The following CAMSAP1 variants were observed in gnomAD, a reference collection of about 807,000 sequenced individuals.
CAMSAP1 encodes calmodulin regulated spectrin associated protein 1.
CAMSAP1 carries 58 observed loss-of-function variants against 143.5 expected under a neutral mutation model. That is an observed-to-expected ratio of 0.40 (90% CI 0.33 to 0.50). The LOEUF is 0.50. Among genes scored for constraint, CAMSAP1 ranks in the 20% least tolerant of loss-of-function variants. The probability of loss-of-function intolerance (pLI) is 0.45; values close to 1 mark genes in which losing one functional copy is unlikely to be tolerated. For synonymous variants in CAMSAP1, 945 were observed against 859.3 expected, an observed-to-expected ratio of 1.10 and a Z score of -1.74; for missense variants, 1,969 against 2,115.7, an observed-to-expected ratio of 0.93 and a Z score of 1.36.
intron 7 of CAMSAP1, among the ~76,000 whole-genome samples, chr9:135,840,274 G>A (rs929160326): frequency 1.6e-4 from 25 of 152,294 alleles, no homozygotes; most frequent in Middle Eastern, 3.4e-3. Flanking sequence ...CCCCAGCCTC[G>A]GAGGTGCAGA....
Position 135,826,966 on chromosome 9 carries a change from T to G in CAMSAP1, c.1223+441A>C, listed in dbSNP as rs755227535. ...TAAGCAGCTCTATACACTTTTTCAC[T>G]CGAATCAAATTAATTCTTCCCCAAA... On this transcript the variant is annotated intron_variant, in intron 8 of 16. Transcript: ENST00000389532. The surrounding 1 kb of genome is among the most constrained non-coding windows in gnomAD (Gnocchi z 4.4). Among the ~76,000 whole-genome samples, 20 of 152,236 alleles carry G rather than the reference T, an allele frequency of 1.3e-4. No individual in the cohort carries two copies. Among genetic ancestry groups the G allele is most frequent in the Non-Finnish European group, 2.9e-4 (20 of 68,038 alleles).
At position 135,822,217 on chromosome 9, in the gene CAMSAP1, G is replaced by A. The variant is rs1217359492; in HGVS notation, c.2444C>T (p.Thr815Ile). 3 of 1,613,862 alleles carry A rather than the reference G, an allele frequency of 1.9e-6. No homozygotes were observed. The highest frequency in any genetic ancestry group is 2.2e-5 in the East Asian group (1 of 44,894). ...CTGGAGCTTCCTCTCCGCAAAGCTG[G>A]TCATCTTCACGCTCCCACTCGCCAT... ...VSMASGSVKMTSFAERKLQRL... is the reference protein window; with the variant it reads ...VSMASGSVKMISFAERKLQRL... The change falls in exon 11 of 17, where the codon ACC becomes ATC. Residue 815 changes from threonine to isoleucine, a missense_variant. Coordinates refer to ENST00000389532, the MANE Select transcript of CAMSAP1 (RefSeq NM_015447.4). The surrounding 1 kb of genome is among the most constrained non-coding windows in gnomAD (Gnocchi z 6.1).
chr9:135,817,889 C>T (rs1454195675), intron 14 of CAMSAP1, 88 bp downstream of exon 14: 6 of 976,786 alleles, frequency 6.1e-6, no homozygotes, highest in Admixed American at 5.0e-5. Flanking sequence ...TTACAAAAGC[C>T]TCTCTCACCG....
intron 1 of CAMSAP1, among the ~76,000 whole-genome samples, chr9:135,897,886 T>A (rs1838505536): frequency 6.6e-6 from 1 of 152,238 alleles, no homozygotes; most frequent in South Asian, 2.1e-4. Context: ...GGGACTACTA[T>A]ATTTCGTTAT....
chr9:135,849,825 G>A (rs972607620), intron 7 of CAMSAP1: 2 of 212,130 alleles, frequency 9.4e-6, no homozygotes, highest in African/African-American at 4.6e-5. Flanking sequence ...AGATTGTCAA[G>A]CCTGACAGAT....
At chr9:135,813,641 G>C (rs1294502042) in intron 16 of CAMSAP1, among the ~76,000 whole-genome samples, 1 of 152,226 alleles carries the variant, frequency 6.6e-6, no homozygotes, top group East Asian at 1.9e-4. Flanking sequence ...GTCCTAGAAA[G>C]GCCTGCCTGC....
chr9:135,884,828 C>T lies in CAMSAP1; in HGVS notation c.161-1750G>A, dbSNP rs1023552592. 7.0e-4 allele frequency among the ~76,000 whole-genome samples: 107 copies of T among 152,330 alleles called. 1 individual carries two copies. The highest frequency in any genetic ancestry group is 9.3e-4 in the Non-Finnish European group (63 of 68,024). On this transcript the variant is annotated intron_variant, in intron 1 of 16. Coordinates refer to ENST00000389532, the MANE Select transcript of CAMSAP1 (RefSeq NM_015447.4). Reference sequence around the variant, plus strand: ...CCACCCCGCACACGCCGGAGTGAGACGTCCCAGGAAACAAGAGCAAGGTGG... The same window carrying T: ...CCACCCCGCACACGCCGGAGTGAGATGTCCCAGGAAACAAGAGCAAGGTGG...
In CAMSAP1 at chr9:135,826,660, T is replaced by C. The variant is rs1405979347; in HGVS notation, c.1223+747A>G. Among the ~76,000 whole-genome samples the C allele has an allele frequency of 1.3e-5, 2 of 152,242 alleles. No homozygotes were observed. Among genetic ancestry groups the C allele is most frequent in the African/African-American group, 4.8e-5 (2 of 41,452 alleles). On this transcript the variant is annotated intron_variant, in intron 8 of 16. Transcript: ENST00000389532. This position sits in a 1 kb window ranked among gnomAD's most constrained non-coding sequence, Gnocchi z 4.4. The stretch of plus-strand genomic sequence containing the variant: ...TATTTAAAACCACTTTTAAATAGCG[T>C]CTTCATCTTAAATCCCAACTTAAAT...
At chr9:135,877,427 A>G (rs1438962409) in intron 3 of CAMSAP1, among the ~76,000 whole-genome samples, 1 of 151,738 alleles carries the variant, frequency 6.6e-6, no homozygotes, top group Non-Finnish European at 1.5e-5. Context: ...TAAACAAATG[A>G]CTGCTTATCA....
chr9:135,817,674 T>C (rs1457469975), intron 14 of CAMSAP1: 1 of 284,658 alleles, frequency 3.5e-6, no homozygotes, highest in East Asian at 9.2e-5. Flanking sequence ...CCTGGAATCA[T>C]GGGTGTGAGC....
intron 8 of CAMSAP1, among the ~76,000 whole-genome samples, chr9:135,825,392 TA>T (rs1416291507): frequency 6.6e-6 from 1 of 151,918 alleles, no homozygotes; most frequent in Non-Finnish European, 1.5e-5. Context: ...GGTGGGAGGG[TA>T]AAAATGTACA....
At chr9:135,887,949 C>T (rs1564459368) in intron 1 of CAMSAP1, among the ~76,000 whole-genome samples, 1 of 152,162 alleles carries the variant, frequency 6.6e-6, no homozygotes, top group Non-Finnish European at 1.5e-5. Flanking sequence ...GCGGGAGCCA[C>T]ACAGAAAGGC....
chr9:135,865,351 C>T, intron 4 of CAMSAP1: 2 of 1,550,606 alleles, frequency 1.3e-6, no homozygotes, highest in Non-Finnish European at 1.7e-6. Flanking sequence ...CTTCCAATAC[C>T]ACTTGGAGGG....
intron 7 of CAMSAP1, chr9:135,849,930 T>A (rs2130902080): frequency 2.2e-6 from 1 of 444,446 alleles, no homozygotes; most frequent in East Asian, 3.5e-5. Context: ...GTGCAATTTT[T>A]AGAGCTGTGA....
At chr9:135,862,227 C>T (rs1029524157) in intron 5 of CAMSAP1, among the ~76,000 whole-genome samples, 7 of 151,380 alleles carry the variant, frequency 4.6e-5, no homozygotes, top group Non-Finnish European at 1.0e-4. Flanking sequence ...GCTGGGACCA[C>T]AGGCGTGTGC....
intron 1 of CAMSAP1, among the ~76,000 whole-genome samples, chr9:135,900,324 C>G (rs545108843): frequency 1.1e-4 from 16 of 152,228 alleles, no homozygotes; most frequent in African/African-American, 3.9e-4. Context: ...CACTCCACCC[C>G]CAGATATAAG....
rs907388635 is a variant in CAMSAP1 at position 135,818,216 on chromosome 9, C to T, written c.4169-137G>A. The T allele has an allele frequency of 7.0e-6, 8 of 1,144,190 alleles. No homozygotes were observed. The highest frequency in any genetic ancestry group is 6.2e-5 in the African/African-American group (4 of 64,974). 70.9% of individuals were successfully genotyped at this position (1,144,190 alleles called of 1,614,324 possible). ...GCGTCCCCACCCCATCCCGGGGAGCCGGGCTGCGCCTGGATGTGCCGCACA... is the reference window on the plus strand; with the variant it reads ...GCGTCCCCACCCCATCCCGGGGAGCTGGGCTGCGCCTGGATGTGCCGCACA... On this transcript the variant is annotated intron_variant, in intron 13 of 16. Transcript: ENST00000389532. The surrounding 1 kb of genome is among the most constrained non-coding windows in gnomAD (Gnocchi z 7.7).
rs1318641157 is a variant in CAMSAP1 at position 135,882,743 on chromosome 9, CA to C, written c.423+72del. On this transcript the variant is annotated intron_variant, in intron 2 of 16. Transcript: ENST00000389532. The surrounding 1 kb of genome is among the most constrained non-coding windows in gnomAD (Gnocchi z 4.9). The stretch of plus-strand genomic sequence containing the variant: ...GCACACCGTGTTCACACCATCCATG[CA>C]CCAGGTGCGCCACACGAGAGCCCAC... 7.4e-6 allele frequency: 11 copies of C among 1,489,908 alleles called. No homozygotes were observed. The highest frequency in any genetic ancestry group is 9.0e-6 in the Non-Finnish European group (10 of 1,115,868). The allele number at this position is 1,489,908 out of a possible 1,614,324, so 92.3% of individuals were successfully genotyped here.
At chr9:135,898,172 A>G (rs1838513429) in intron 1 of CAMSAP1, among the ~76,000 whole-genome samples, 1 of 152,220 alleles carries the variant, frequency 6.6e-6, no homozygotes, top group Admixed American at 6.5e-5. Context: ...TGTGGCTAGA[A>G]AAGGGCAACA....
Sources: gnomAD v4.1 joint callset for allele counts (sites outside exome capture counted in the v4.1 genomes callset) on GRCh38, gnomAD v4.1.1 for gene constraint, Gnocchi (gnomAD v3.1) non-coding constraint, MANE v1.5 for transcripts, NCBI Gene and HGNC (gene_info 2026-07-23, HGNC 2026-07-21) for gene names.